The following LRIF1 variants were observed in gnomAD, a reference collection of about 807,000 sequenced individuals.
LRIF1 encodes the protein ligand dependent nuclear receptor interacting factor 1.
LRIF1 carries 32 observed loss-of-function variants against 52.7 expected under a neutral mutation model. The observed-to-expected ratio is 0.61, with a 90% CI of 0.46 to 0.82. LRIF1 has a LOEUF of 0.82. LRIF1 is among the 40% of genes least tolerant of loss of function. The pLI is 0.00. For synonymous variants in LRIF1, 323 were observed against 317.4 expected (o/e 1.02, Z -0.19); for missense variants, 887 against 892.0 (o/e 0.99, Z 0.07).
At chr1:110,886,864 TATA>T in the LRIF1 span, among the ~76,000 whole-genome samples, 1,773 of 78,094 alleles carry the variant, frequency 0.023, 60 homozygotes, top group East Asian at 0.17. Context: ...TATATATATA[TATA>T]TATTTTTTTT....
the LRIF1 span, chr1:110,891,572 T>A: frequency 1.1e-3 from 923 of 860,594 alleles, 10 homozygotes; most frequent in African/African-American, 0.014. Context: ...AATGCATGCG[T>A]GTTTGGGTCA....
At chr1:110,932,385 A>G in the LRIF1 span, among the ~76,000 whole-genome samples, 7 of 151,944 alleles carry the variant, frequency 4.6e-5, no homozygotes, top group Non-Finnish European at 1.0e-4. Flanking sequence ...GGTTACTGTA[A>G]CCTTGTAGTA....
the LRIF1 span, among the ~76,000 whole-genome samples, chr1:110,914,398 G>T: frequency 2.9e-3 from 441 of 152,224 alleles, 1 homozygote; most frequent in African/African-American, 0.01. Context: ...AAGGCATGAA[G>T]AATCAATTCA....
chr1:110,929,277 AC>A, the LRIF1 span, among the ~76,000 whole-genome samples: 1 of 152,198 alleles, frequency 6.6e-6, no homozygotes, highest in Non-Finnish European at 1.5e-5. Context: ...TTGGGTATAT[AC>A]CCAGTAATGG....
At chr1:110,921,534 G>A in the LRIF1 span, among the ~76,000 whole-genome samples, 8 of 151,806 alleles carry the variant, frequency 5.3e-5, no homozygotes, top group Non-Finnish European at 1.2e-4. Flanking sequence ...TTAAAATCAG[G>A]CAAAATAATA....
chr1:110,940,504 A>T, the LRIF1 span: 2 of 152,334 alleles, frequency 1.3e-5, no homozygotes, highest in African/African-American at 4.8e-5. Context: ...AAAAGAAATC[A>T]GTATATTGAA....
the LRIF1 span, among the ~76,000 whole-genome samples, chr1:110,913,473 T>C: frequency 6.6e-6 from 1 of 152,140 alleles, no homozygotes; most frequent in African/African-American, 2.4e-5. Context: ...AACAACCCCA[T>C]TAAAAATGGA....
intron 1 of LRIF1, among the ~76,000 whole-genome samples, chr1:110,953,714 CA>C (rs1269005151): frequency 6.6e-6 from 1 of 152,124 alleles, no homozygotes; most frequent in Non-Finnish European, 1.5e-5. Flanking sequence ...ATATCTAAAA[CA>C]TTTTTCAGCT....
chr1:110,947,794 A>G lies in LRIF1; in HGVS notation c.*165T>C. 2.3e-6 allele frequency: 2 copies of G among 880,738 alleles called. No individual in the cohort carries two copies. Among genetic ancestry groups the G allele is most frequent in the Non-Finnish European group, 3.2e-6 (2 of 619,640 alleles). 54.6% of individuals were successfully genotyped at this position (880,738 alleles called of 1,614,324 possible). A position where few individuals can be genotyped will look rare whatever the true frequency, so the allele number is the denominator to read the frequency against. ...ACCCCATGTAAATTATTCACAAGTCATATGTGAATCAACCTTTTCTGTATT... is the reference window on the plus strand; with the variant it reads ...ACCCCATGTAAATTATTCACAAGTCGTATGTGAATCAACCTTTTCTGTATT... On this transcript the variant is annotated 3_prime_UTR_variant, in exon 4 of 4. Transcript: ENST00000369763.
At chr1:110,935,753 TAGAG>T in the LRIF1 span, among the ~76,000 whole-genome samples, 1 of 150,914 alleles carries the variant, frequency 6.6e-6, no homozygotes, top group South Asian at 2.1e-4. Flanking sequence ...AAAGAGGAGG[TAGAG>T]AGAGAGAGAA....
chr1:110,943,690 A>G (rs924167366), downstream of LRIF1: 2 of 152,022 alleles, frequency 1.3e-5, no homozygotes, highest in Admixed American at 6.5e-5. Context: ...AGATGTCTGG[A>G]TATCTGGCCA....
intron 1 of LRIF1, among the ~76,000 whole-genome samples, chr1:110,960,847 G>C (rs952454774): frequency 3.9e-5 from 6 of 152,134 alleles, no homozygotes; most frequent in Non-Finnish European, 1.5e-5. Flanking sequence ...AACTGAAATA[G>C]GATCCTTATA....
At chr1:110,883,094 A>G in the LRIF1 span, among the ~76,000 whole-genome samples, 6 of 151,964 alleles carry the variant, frequency 3.9e-5, no homozygotes, top group Non-Finnish European at 7.4e-5. Context: ...GTACAATGCC[A>G]AATAGAGTAG....
At chr1:110,921,844 A>C in the LRIF1 span, among the ~76,000 whole-genome samples, 1 of 152,104 alleles carries the variant, frequency 6.6e-6, no homozygotes, top group Non-Finnish European at 1.5e-5. Context: ...CTTTTATTTT[A>C]GTTTCAGGGG....
At chr1:110,949,136 T>G (rs1658344992) in intron 3 of LRIF1, among the ~76,000 whole-genome samples, 1 of 151,954 alleles carries the variant, frequency 6.6e-6, no homozygotes, top group Non-Finnish European at 1.5e-5. Flanking sequence ...ATTTTTTTTT[T>G]GAGACAGAGT....
At chr1:110,892,031 T>A in the LRIF1 span, among the ~76,000 whole-genome samples, 2 of 152,212 alleles carry the variant, frequency 1.3e-5, no homozygotes, top group African/African-American at 2.4e-5. Flanking sequence ...GAGAAAGCCA[T>A]GTGTGAGCGA....
the LRIF1 span, chr1:110,880,107 T>A: frequency 6.6e-6 from 1 of 152,218 alleles, no homozygotes; most frequent in Non-Finnish European, 1.5e-5. Context: ...TCACGCAGGT[T>A]TCCTGGAAAC....
chr1:110,914,588 T>C, the LRIF1 span, among the ~76,000 whole-genome samples: 1 of 152,088 alleles, frequency 6.6e-6, no homozygotes, highest in African/African-American at 2.4e-5. Flanking sequence ...ACCCCGTCTC[T>C]ACAAAAATCG....
the LRIF1 span, among the ~76,000 whole-genome samples, chr1:110,907,184 A>G: frequency 6.6e-6 from 1 of 152,180 alleles, no homozygotes; most frequent in South Asian, 2.1e-4. Flanking sequence ...AGAAAGCTCA[A>G]AAATGATGGG....
Sources: allele counts gnomAD v4.1 joint callset (sites outside exome capture counted in the v4.1 genomes callset), GRCh38; gene constraint gnomAD v4.1.1; transcripts MANE v1.5; gene names NCBI Gene and HGNC (gene_info 2026-07-23, HGNC 2026-07-21).